The following AKT3 variants were observed in gnomAD, a reference collection of about 807,000 sequenced individuals.
The protein encoded by AKT3 is AKT serine/threonine kinase 3.
A neutral mutation model predicts 65.3 loss-of-function variants in AKT3; 15 were observed. That is an observed-to-expected ratio of 0.23 (90% CI 0.15 to 0.35). AKT3 has a LOEUF of 0.35. Ranked by LOEUF, AKT3 falls within the 10% of genes least tolerant of loss-of-function variation. The probability of loss-of-function intolerance (pLI) is 1.00; values close to 1 mark genes in which losing one functional copy is unlikely to be tolerated. For missense variants in AKT3, 243 were observed against 576.5 expected (o/e 0.42, Z 5.92); for synonymous variants, 206 against 183.8 (o/e 1.12, Z -0.98).
chr1:243,613,665 A>G lies in AKT3; in HGVS notation c.696+6T>C. On this transcript the variant is annotated splice_donor_region_variant and intron_variant, in intron 8 of 13. Coordinates refer to ENST00000673466, the MANE Select transcript of AKT3 (RefSeq NM_005465.7). ...ATGCAAATACTGGATTTACTTCTTGACTCACCTCGCCCCCATTAACATATT... is the reference window on the plus strand; with the variant it reads ...ATGCAAATACTGGATTTACTTCTTGGCTCACCTCGCCCCCATTAACATATT... 6.3e-7 allele frequency: 1 copy of G among 1,576,108 alleles called. No individual in the cohort carries two copies.
chr1:243,543,648 G>A (rs1672464959), intron 12 of AKT3, among the ~76,000 whole-genome samples: 2 of 152,124 alleles, frequency 1.3e-5, no homozygotes, highest in Non-Finnish European at 2.9e-5. Context: ...CTCATTAGAG[G>A]CATTCCTATA....
chr1:243,495,904 G>C (rs1558554661), downstream of AKT3, among the ~76,000 whole-genome samples: 1 of 152,164 alleles, frequency 6.6e-6, no homozygotes, highest in Non-Finnish European at 1.5e-5. Context: ...CCTCGCATGG[G>C]AGAGTCTGGA....
chr1:243,843,604 A>C, intron 1 of AKT3: 2 of 996,796 alleles, frequency 2.0e-6, no homozygotes, highest in Non-Finnish European at 2.4e-6. Flanking sequence ...GAAGAGAATG[A>C]AAGTTAATTG....
At chr1:243,527,687 A>G (rs2148403594) in intron 12 of AKT3, among the ~76,000 whole-genome samples, 1 of 152,148 alleles carries the variant, frequency 6.6e-6, no homozygotes, top group African/African-American at 2.4e-5. Flanking sequence ...AATATCAACC[A>G]TAAAACATTC....
intron 6 of AKT3, among the ~76,000 whole-genome samples, chr1:243,615,948 C>A (rs61833200): frequency 6.6e-6 from 1 of 151,740 alleles, no homozygotes. Flanking sequence ...CTATGTTGCC[C>A]AGGCTGAGCT....
chr1:243,809,099 A>G (rs892926393), intron 2 of AKT3, among the ~76,000 whole-genome samples: 7 of 152,166 alleles, frequency 4.6e-5, no homozygotes, highest in African/African-American at 1.7e-4. Context: ...AAAGACCATC[A>G]ATGCTAGGAA....
At chr1:243,562,283 T>C (rs2148485056) in intron 10 of AKT3, among the ~76,000 whole-genome samples, 1 of 152,228 alleles carries the variant, frequency 6.6e-6, no homozygotes, top group Non-Finnish European at 1.5e-5. Context: ...GGTAAATCTA[T>C]AAAGACAAAA....
chr1:243,544,570 C>T (rs1352492979), intron 12 of AKT3, among the ~76,000 whole-genome samples: 4 of 152,054 alleles, frequency 2.6e-5, no homozygotes, highest in Non-Finnish European at 4.4e-5. Flanking sequence ...GAGCTGTGAT[C>T]GTGCCGTGCC....
At chr1:243,517,234 TG>T (rs771426230) in intron 12 of AKT3, among the ~76,000 whole-genome samples, 38 of 152,316 alleles carry the variant, frequency 2.5e-4, no homozygotes, top group Admixed American at 7.2e-4. Flanking sequence ...GCTCAACATA[TG>T]GTACACTGTG....
chr1:243,556,296 C>T (rs1476312562), intron 10 of AKT3, among the ~76,000 whole-genome samples: 1 of 151,706 alleles, frequency 6.6e-6, no homozygotes, highest in African/African-American at 2.4e-5. Flanking sequence ...TTATTAATTT[C>T]AAAGAATGAT....
chr1:243,798,664 C>T (rs2148359675), intron 2 of AKT3, among the ~76,000 whole-genome samples: 1 of 152,256 alleles, frequency 6.6e-6, no homozygotes, highest in South Asian at 2.1e-4. Context: ...AACAAACACA[C>T]TTATCTCCCC....
chr1:243,543,542 A>G (rs898847647), intron 12 of AKT3, among the ~76,000 whole-genome samples: 1 of 152,160 alleles, frequency 6.6e-6, no homozygotes, highest in Non-Finnish European at 1.5e-5. Flanking sequence ...CTATTTATTA[A>G]AAATAAAACC....
intron 5 of AKT3, among the ~76,000 whole-genome samples, chr1:243,639,044 T>C (rs928160043): frequency 1.3e-5 from 2 of 151,990 alleles, no homozygotes; most frequent in Non-Finnish European, 2.9e-5. Flanking sequence ...ATGACAGAGG[T>C]GGCATCACTA....
At chr1:243,683,928 GA>G (rs1461365003) in intron 3 of AKT3, among the ~76,000 whole-genome samples, 1 of 151,954 alleles carries the variant, frequency 6.6e-6, no homozygotes, top group Admixed American at 6.6e-5. Context: ...ATTACTTTAA[GA>G]AAAAACAACT....
chr1:243,732,779 T>C (rs144897294), intron 2 of AKT3, among the ~76,000 whole-genome samples: 1 of 152,292 alleles, frequency 6.6e-6, no homozygotes, highest in Non-Finnish European at 1.5e-5. Context: ...TGTTGCCTCT[T>C]TCACACCACC....
At chr1:243,508,229 C>T (rs1669792201) in intron 13 of AKT3, among the ~76,000 whole-genome samples, 1 of 152,172 alleles carries the variant, frequency 6.6e-6, no homozygotes, top group African/African-American at 2.4e-5. Flanking sequence ...TAGGATGTAT[C>T]CAGGAACTGT....
rs1669593503 is a variant in AKT3 at position 243,505,298 on chromosome 1, C to T, written c.1391G>A (p.Arg464Lys). ...GGAAAATTGAGGGAAATGCGGCCGC[C>T]TCTCATTGTCCATGCAGTCCATACC... ...EDGMDCMDNERRPHFPQFSYS... is the reference protein window; with the variant it reads ...EDGMDCMDNEKRPHFPQFSYS... Residue 464 changes from arginine to lysine, a missense_variant, in exon 14 of 14, where the codon AGG becomes AAG. Physicochemically the swap from Arg to Lys is conservative, Grantham distance 26. Around this residue, in one of 6 missense-constraint regions of AKT3, gnomAD observed 57 missense variants for 107.6 expected, o/e 0.53. Coordinates refer to ENST00000673466, the MANE Select transcript of AKT3 (RefSeq NM_005465.7). 1 of 1,614,138 alleles carries T rather than the reference C, an allele frequency of 6.2e-7. No individual in the cohort carries two copies. Among genetic ancestry groups the T allele is most frequent in the Non-Finnish European group, 8.5e-7 (1 of 1,180,022 alleles).
chr1:243,616,917 G>A (rs1466119711), intron 6 of AKT3, among the ~76,000 whole-genome samples: 1 of 152,168 alleles, frequency 6.6e-6, no homozygotes, highest in Non-Finnish European at 1.5e-5. Flanking sequence ...GAAAGCCAAT[G>A]TCATATCGTA....
chr1:243,751,441 TA>T (rs1037583114), intron 2 of AKT3, among the ~76,000 whole-genome samples: 2 of 152,256 alleles, frequency 1.3e-5, no homozygotes, highest in Admixed American at 1.3e-4. Flanking sequence ...ACATTTTGTG[TA>T]AGTAATAGTT....
Sources: gnomAD v4.1 joint callset for allele counts (sites outside exome capture counted in the v4.1 genomes callset) on GRCh38, gnomAD v4.1.1 for gene constraint, gnomAD v4.1.1 regional missense constraint, MANE v1.5 for transcripts, NCBI Gene and HGNC (gene_info 2026-07-23, HGNC 2026-07-21) for gene names.